CACNG3: variants seen among roughly 807,000 people sequenced by gnomAD.
The protein encoded by CACNG3 is voltage-dependent calcium channel gamma-3 subunit.
CACNG3 carries 3 observed loss-of-function variants against 28.5 expected under a neutral mutation model. The ratio of observed to expected loss-of-function variants is 0.11; its 90% CI spans 0.05 to 0.27. CACNG3 has a LOEUF of 0.27. CACNG3 is among the 10% of genes least tolerant of loss of function. CACNG3 has a pLI of 1.00. For missense variants in CACNG3, 236 were observed against 414.4 expected (o/e 0.57, Z 3.74); for synonymous variants, 174 against 162.2 (o/e 1.07, Z -0.55).
chr16:24,308,856 AAAAAAAAAAAAG>A (rs1350784381), intron 1 of CACNG3, among the ~76,000 whole-genome samples: 6 of 149,794 alleles, frequency 4.0e-5, no homozygotes, highest in South Asian at 2.1e-4. Context: ...AAAAAAAAAA[AAAAAAAAAAAAG>A]AAAAGAAAAA....
rs1200226708 is a variant in CACNG3, at chr16:24,317,639, AAAGAAAAGAAAAGAAAGAAAG to A, written c.212-29092_212-29072del. Among the ~76,000 whole-genome samples the A allele has an allele frequency of 4.5e-5, 2 of 44,214 alleles. 1 individual carries two copies. The highest frequency in any genetic ancestry group is 1.8e-4 in the African/African-American group (2 of 10,956). The allele number at this position is 44,214 out of a possible 152,430, so 29.0% of individuals were successfully genotyped here. A position where few individuals can be genotyped will look rare whatever the true frequency, so the allele number is the denominator to read the frequency against. ...GAAAGAAAGAAAGACAGACAGAAAG[AAAGAAAAGAAAAGAAAGAAAG>A]AAAGAAAGAAAGAAAGAAAGAAAGA... On this transcript the variant is annotated intron_variant, in intron 1 of 3. Coordinates refer to ENST00000005284, the MANE Select transcript of CACNG3 (RefSeq NM_006539.4).
At chr16:24,333,144 A>G (rs1348988786) in intron 1 of CACNG3, among the ~76,000 whole-genome samples, 1 of 152,144 alleles carries the variant, frequency 6.6e-6, no homozygotes, top group Non-Finnish European at 1.5e-5. Context: ...CTTGTCAGGG[A>G]AGGGAAAGAT....
chr16:24,329,009 T>A (rs1383835227), intron 1 of CACNG3, among the ~76,000 whole-genome samples: 1 of 151,978 alleles, frequency 6.6e-6, no homozygotes, highest in Non-Finnish European at 1.5e-5. Flanking sequence ...AAGGGCTGAG[T>A]GGGCAGGGAG....
At chr16:24,273,770 A>G (rs533612042) in intron 1 of CACNG3, among the ~76,000 whole-genome samples, 34 of 152,254 alleles carry the variant, frequency 2.2e-4, no homozygotes, top group African/African-American at 8.2e-4. Flanking sequence ...ATCATGCCAT[A>G]TATTTATTTG....
chr16:24,343,768 A>G (rs371943532), intron 1 of CACNG3, among the ~76,000 whole-genome samples: 4 of 152,294 alleles, frequency 2.6e-5, no homozygotes, highest in East Asian at 1.9e-4. Flanking sequence ...TTTCCTCCTC[A>G]TATTAATAAC....
chr16:24,354,922 C>T lies in CACNG3; in HGVS notation c.385C>T (p.Arg129Cys), dbSNP rs1325822639. 11 of 1,612,442 alleles carry T rather than the reference C, an allele frequency of 6.8e-6. No individual in the cohort carries two copies. Among genetic ancestry groups the T allele is most frequent in the Middle Eastern group, 2.1e-4 (1 of 4,762 alleles). ...GLCVAASEFH[R>C]SRHNVILSAG... is the part of the protein sequence containing the mutation. Reference sequence around the variant, plus strand: ...CTGCGTGGCAGCCAGTGAGTTCCACCGCAGCAGACACAACGTCATTCTCAG... The same window carrying T: ...CTGCGTGGCAGCCAGTGAGTTCCACTGCAGCAGACACAACGTCATTCTCAG... The change falls in exon 3 of 4, where the codon CGC becomes TGC. Residue 129 changes from arginine to cysteine, a missense_variant. Around this residue, in one of 2 missense-constraint regions of CACNG3, gnomAD observed 120 missense variants for 263.4 expected, o/e 0.46. Coordinates refer to ENST00000005284, the MANE Select transcript of CACNG3 (RefSeq NM_006539.4).
At chr16:24,290,636 G>A (rs1898954203) in intron 1 of CACNG3, among the ~76,000 whole-genome samples, 2 of 152,226 alleles carry the variant, frequency 1.3e-5, no homozygotes, top group East Asian at 1.9e-4. Context: ...ATGGAGTCTC[G>A]CTATGTTCCC....
intron 1 of CACNG3, among the ~76,000 whole-genome samples, chr16:24,312,405 G>A (rs1899276338): frequency 6.6e-6 from 1 of 152,120 alleles, no homozygotes; most frequent in Non-Finnish European, 1.5e-5. Context: ...TCTGTCACTT[G>A]TTAGCTGTGC....
chr16:24,261,518 G>A (rs1277561544), intron 1 of CACNG3, among the ~76,000 whole-genome samples: 1 of 152,142 alleles, frequency 6.6e-6, no homozygotes, highest in African/African-American at 2.4e-5. Context: ...AATTTACCTT[G>A]TAGCTGAATT....
rs184747573 is a variant in CACNG3 at position 24,258,693 on chromosome 16, T to A, written c.211+1728T>A. On this transcript the variant is annotated intron_variant, in intron 1 of 3. Transcript: ENST00000005284. Reference sequence around the variant, plus strand: ...GGCTATAAGGAATTGAATTATCTTTTGTAAAACTGATTTGGTGGATGTTGC... The same window carrying A: ...GGCTATAAGGAATTGAATTATCTTTAGTAAAACTGATTTGGTGGATGTTGC... Among the ~76,000 whole-genome samples the A allele has an allele frequency of 7.4e-4, 113 of 152,316 alleles. 1 individual carries two copies. Among genetic ancestry groups the A allele is most frequent in the African/African-American group, 2.6e-3 (109 of 41,574 alleles).
rs35498529 is a variant in CACNG3 at position 24,323,239 on chromosome 16, AAGAG to A, written c.212-23485_212-23482del. 8.9e-3 allele frequency among the ~76,000 whole-genome samples: 1,276 copies of A among 142,994 alleles called. 108 individuals are homozygous for A. The highest frequency in any genetic ancestry group is 0.014 in the South Asian group (61 of 4,338). The allele number at this position is 142,994 out of a possible 152,430, so 93.8% of individuals were successfully genotyped here. ...GGACTCAAAAAAAAAAAAAAAAAAA[AAGAG>A]AGAGAGAGAAAGAGAGAGATGAGGC... On this transcript the variant is annotated intron_variant, in intron 1 of 3. Transcript: ENST00000005284.
chr16:24,308,188 C>T (rs927268381), intron 1 of CACNG3, among the ~76,000 whole-genome samples: 3 of 152,140 alleles, frequency 2.0e-5, no homozygotes, highest in Non-Finnish European at 4.4e-5. Context: ...TGAGCAGGAA[C>T]CTGGGAAAAA....
intron 1 of CACNG3, among the ~76,000 whole-genome samples, chr16:24,335,791 C>T (rs1311099721): frequency 1.3e-5 from 2 of 152,018 alleles, no homozygotes; most frequent in Non-Finnish European, 2.9e-5. Context: ...TTGAAACCCC[C>T]AACAGGCTGG....
intron 1 of CACNG3, among the ~76,000 whole-genome samples, chr16:24,284,034 G>A (rs955183797): frequency 9.2e-5 from 14 of 152,070 alleles, no homozygotes; most frequent in Admixed American, 2.0e-4. Flanking sequence ...TATCCTCTTT[G>A]GATTATTAAT....
At chr16:24,347,806 G>A (rs1468430086) in intron 2 of CACNG3, among the ~76,000 whole-genome samples, 2 of 152,204 alleles carry the variant, frequency 1.3e-5, no homozygotes, top group African/African-American at 4.8e-5. Flanking sequence ...ACCCTTGTTT[G>A]ACTCTACTAG....
intron 2 of CACNG3, among the ~76,000 whole-genome samples, chr16:24,353,188 T>C (rs1341786686): frequency 6.6e-6 from 1 of 152,124 alleles, no homozygotes; most frequent in Non-Finnish European, 1.5e-5. Flanking sequence ...TTGCCCAGGT[T>C]GGTCTTGAAC....
intron 1 of CACNG3, among the ~76,000 whole-genome samples, chr16:24,309,066 A>G (rs75870621): frequency 0.01 from 1,559 of 152,210 alleles, 31 homozygotes; most frequent in African/African-American, 0.034. Context: ...CAATCTGCCT[A>G]AGGTTACACA....
At chr16:24,279,173 C>CT (rs1555458766) in intron 1 of CACNG3, among the ~76,000 whole-genome samples, 4 of 152,114 alleles carry the variant, frequency 2.6e-5, no homozygotes, top group Non-Finnish European at 5.9e-5. Flanking sequence ...CTAGGGGAAA[C>CT]AGAAATTCTT....
At chr16:24,283,138 A>G (rs980399455) in intron 1 of CACNG3, among the ~76,000 whole-genome samples, 3 of 152,054 alleles carry the variant, frequency 2.0e-5, no homozygotes, top group Non-Finnish European at 2.9e-5. Context: ...GAAGGACTCA[A>G]TACTAGAAGA....
Sources: allele counts gnomAD v4.1 joint callset (sites outside exome capture counted in the v4.1 genomes callset), GRCh38; gene constraint gnomAD v4.1.1; regional missense constraint gnomAD v4.1.1; transcripts MANE v1.5; gene names NCBI Gene and HGNC (gene_info 2026-07-23, HGNC 2026-07-21).